The following CPED1 variants were observed in gnomAD, a reference collection of about 807,000 sequenced individuals.
CPED1 encodes cadherin like and PC-esterase domain containing 1, also known as cadherin-like and PC-esterase domain-containing protein 1.
CPED1 carries 114 observed loss-of-function variants against 128.2 expected under a neutral mutation model. The ratio of observed to expected loss-of-function variants is 0.89; its 90% CI spans 0.76 to 1.04. The LOEUF is 1.04. Among genes scored for constraint, CPED1 ranks in the 50% least tolerant of loss-of-function variants. The pLI is 0.00. For synonymous variants in CPED1, 462 were observed against 426.7 expected (o/e 1.08, Z -1.02); for missense variants, 1,211 against 1,207.1 (o/e 1.00, Z -0.05).
intron 4 of CPED1, among the ~76,000 whole-genome samples, chr7:121,059,870 G>A (rs1444041576): frequency 6.6e-6 from 1 of 152,208 alleles, no homozygotes; most frequent in East Asian, 1.9e-4. Context: ...CACTTTGGCC[G>A]CACTTCAGGA....
chr7:121,045,278 G>T (rs1194740611), intron 3 of CPED1, among the ~76,000 whole-genome samples: 1 of 152,136 alleles, frequency 6.6e-6, no homozygotes, highest in African/African-American at 2.4e-5. Flanking sequence ...GCCTTATTGT[G>T]CTGTCTTCCA....
chr7:121,273,072 T>G (rs1011484638), intron 22 of CPED1, among the ~76,000 whole-genome samples: 2 of 152,146 alleles, frequency 1.3e-5, no homozygotes, highest in African/African-American at 4.8e-5. Context: ...CTGAGATGAA[T>G]AGTGCCTCAT....
intron 18 of CPED1, among the ~76,000 whole-genome samples, chr7:121,249,037 A>G (rs1247711673): frequency 6.6e-6 from 1 of 152,194 alleles, no homozygotes; most frequent in East Asian, 1.9e-4. Context: ...TAATACAATC[A>G]GAAGTATTAG....
intron 2 of CPED1, among the ~76,000 whole-genome samples, chr7:121,002,705 C>T (rs1324625272): frequency 6.6e-6 from 1 of 152,078 alleles, no homozygotes; most frequent in African/African-American, 2.4e-5. Context: ...ACCATGTTTG[C>T]TTTTAACAAA....
At chr7:121,153,898 G>T (rs1049547933) in intron 16 of CPED1, among the ~76,000 whole-genome samples, 5 of 152,030 alleles carry the variant, frequency 3.3e-5, no homozygotes, top group Non-Finnish European at 7.4e-5. Context: ...AAAAAGTTAG[G>T]TATGTCATTA....
In CPED1 at chr7:121,234,138, T is replaced by C. The variant is rs1449144910; in HGVS notation, c.2056-2576T>C. ...ATCAATTTTTTTAATGCTGGGCACA[T>C]TACTCCAACAAAATACAGGTTTTTC... On this transcript the variant is annotated intron_variant, in intron 16 of 22. Transcript: ENST00000310396. Among the ~76,000 whole-genome samples the C allele has an allele frequency of 2.0e-5, 3 of 150,926 alleles. No individual in the cohort carries two copies. In the East Asian group the frequency reaches 5.8e-4, roughly 29 times the overall value.
At chr7:121,267,987 G>T (rs544649561) in intron 21 of CPED1, among the ~76,000 whole-genome samples, 1 of 152,014 alleles carries the variant, frequency 6.6e-6, no homozygotes, top group African/African-American at 2.4e-5. Context: ...AAATGTATCT[G>T]CCTGGACAGC....
At chr7:121,251,834 A>G (rs1256591905) in intron 18 of CPED1, among the ~76,000 whole-genome samples, 1 of 147,350 alleles carries the variant, frequency 6.8e-6, no homozygotes, top group Non-Finnish European at 1.5e-5. Context: ...AAATGGAAAA[A>G]CATTCCATGC....
intron 22 of CPED1, among the ~76,000 whole-genome samples, chr7:121,272,549 T>G (rs1404272618): frequency 6.6e-6 from 1 of 152,116 alleles, no homozygotes; most frequent in African/African-American, 2.4e-5. Context: ...AGGATCACGT[T>G]GCTCCTCCAG....
At chr7:121,174,752 TCTATGAAGA>T (rs1179588907) in intron 16 of CPED1, among the ~76,000 whole-genome samples, 7 of 152,144 alleles carry the variant, frequency 4.6e-5, no homozygotes, top group African/African-American at 1.7e-4. Flanking sequence ...TTTTTCTAGT[TCTATGAAGA>T]ATATCATTGG....
At chr7:121,267,160 C>T (rs1043567116) in intron 20 of CPED1, 55 bp from the exon 21 acceptor site, 1 of 961,722 alleles carries the variant, frequency 1.0e-6, no homozygotes, top group Non-Finnish European at 1.6e-6. Context: ...AAACAACAAA[C>T]ATCTAGAAAT....
At chr7:121,278,235 C>T (rs1792367885) in intron 22 of CPED1, among the ~76,000 whole-genome samples, 1 of 151,994 alleles carries the variant, frequency 6.6e-6, no homozygotes, top group Non-Finnish European at 1.5e-5. Flanking sequence ...ATAATCAATA[C>T]CAAGAGACAG....
chr7:121,059,184 A>G (rs1319400069), intron 4 of CPED1, among the ~76,000 whole-genome samples: 2 of 152,192 alleles, frequency 1.3e-5, no homozygotes, highest in African/African-American at 4.8e-5. Flanking sequence ...CTAGCTCTAA[A>G]TTGTTGTAGG....
In CPED1 at chr7:121,197,313, T is replaced by A. The variant is rs934061438; in HGVS notation, c.2056-39401T>A. On this transcript the variant is annotated intron_variant, in intron 16 of 22. Transcript: ENST00000310396. ...ATCATGAGCAATACATGAGATCACA[T>A]GAAAGTACTGCCAGGGATAAAAAAA... 5.9e-5 allele frequency among the ~76,000 whole-genome samples: 9 copies of A among 152,220 alleles called. No homozygotes were observed. In the Middle Eastern group the frequency reaches 0.01, roughly 173 times the overall value.
In CPED1 at chr7:121,266,453, A is replaced by C; in HGVS notation, c.2531+6A>C. The C allele has an allele frequency of 6.2e-7, 1 of 1,605,204 alleles. No homozygotes were observed. ...CTTGAACACCTCTTGCAAAGGTACA[A>C]TGAAACTATAATGAAAGACACAAAA... On this transcript the variant is annotated splice_donor_region_variant and intron_variant, in intron 19 of 22. Transcript: ENST00000310396.
chr7:121,221,748 T>C (rs527720664), intron 16 of CPED1, among the ~76,000 whole-genome samples: 187 of 152,356 alleles, frequency 1.2e-3, no homozygotes, highest in Middle Eastern at 6.8e-3. Context: ...GTGTGTTGGC[T>C]GCATAAATGT....
At chr7:121,196,789 C>A (rs1004906813) in intron 16 of CPED1, among the ~76,000 whole-genome samples, 15 of 151,954 alleles carry the variant, frequency 9.9e-5, no homozygotes, top group Non-Finnish European at 4.4e-5. Context: ...AATTTTAGAT[C>A]ACACTAAAGT....
At chr7:121,133,954 A>C (rs917819084) in intron 13 of CPED1, 61 bp downstream of exon 13, 4 of 941,712 alleles carry the variant, frequency 4.2e-6, no homozygotes, top group Non-Finnish European at 3.3e-6. Context: ...TGGCAAAAAA[A>C]TGCAAAACTA....
At chr7:121,070,670 C>T (rs1011093770) in intron 5 of CPED1, among the ~76,000 whole-genome samples, 1 of 152,186 alleles carries the variant, frequency 6.6e-6, no homozygotes, top group South Asian at 2.1e-4. Context: ...CCATTTAATT[C>T]ATCAGTAAGC....
Sources: allele counts gnomAD v4.1 joint callset (sites outside exome capture counted in the v4.1 genomes callset), GRCh38; gene constraint gnomAD v4.1.1; transcripts MANE v1.5; gene names NCBI Gene and HGNC (gene_info 2026-07-23, HGNC 2026-07-21).